KLF7: variants seen among roughly 807,000 people sequenced by gnomAD.
The protein encoded by KLF7 is Krueppel-like factor 7.
Under a neutral mutation model 27.3 loss-of-function variants are expected in KLF7, and 2 were observed. That is an observed-to-expected ratio of 0.07 (90% confidence interval 0.03 to 0.23). The LOEUF is 0.23. Among genes scored for constraint, KLF7 ranks in the 10% least tolerant of loss-of-function variants. The probability of loss-of-function intolerance (pLI) is 1.00; values close to 1 mark genes in which losing one functional copy is unlikely to be tolerated. For missense variants in KLF7, 221 were observed against 394.1 expected (o/e 0.56, Z 3.72); for synonymous variants, 165 against 162.4 (o/e 1.02, Z -0.12).
chr2:207,084,769 A>G (rs1327345391), intron 3 of KLF7, among the ~76,000 whole-genome samples: 2 of 152,230 alleles, frequency 1.3e-5, no homozygotes, highest in African/African-American at 2.4e-5. Flanking sequence ...TTATAACTTT[A>G]CAGCAGCCAG....
chr2:207,093,773 G>A (rs577365510), intron 2 of KLF7, among the ~76,000 whole-genome samples: 1 of 152,238 alleles, frequency 6.6e-6, no homozygotes, highest in South Asian at 2.1e-4. Context: ...AATACACCTA[G>A]AGGGGCAGAA....
At position 207,078,813 on chromosome 2, in the gene KLF7, A is replaced by G. The variant is rs2076218812; in HGVS notation, c.*2400T>C. ...GCACCACACATTCAAATATAATCCC[A>G]TGGTACGCCCTGATGGACTGGCCAC... On this transcript the variant is annotated 3_prime_UTR_variant, in exon 4 of 4. Transcript: ENST00000309446. The G allele has an allele frequency of 1.3e-5, 2 of 152,164 alleles. No homozygotes were observed. Among genetic ancestry groups the G allele is most frequent in the African/African-American group, 4.8e-5 (2 of 41,434 alleles). The allele number at this position is 152,164 out of a possible 1,614,324, so 9.4% of individuals were successfully genotyped here.
intron 1 of KLF7, among the ~76,000 whole-genome samples, chr2:207,157,921 C>T (rs571225135): frequency 5.3e-5 from 8 of 151,942 alleles, no homozygotes; most frequent in East Asian, 1.9e-4. Context: ...GGAAGCAGTC[C>T]GTGGAAGAAG....
intron 2 of KLF7, 100 bp from the exon 3 acceptor site, chr2:207,088,681 G>C: frequency 7.6e-7 from 1 of 1,308,186 alleles, no homozygotes; most frequent in South Asian, 1.7e-5. Context: ...GGAAAGGGCT[G>C]TTTAACTCAT....
In KLF7 at chr2:207,123,927, C is replaced by A; in HGVS notation, c.580G>T (p.Val194Phe). The A allele has an allele frequency of 6.2e-7, 1 of 1,614,074 alleles. No individual in the cohort carries two copies. Among genetic ancestry groups the A allele is most frequent in the Non-Finnish European group, 8.5e-7 (1 of 1,180,044 alleles). The change falls in exon 2 of 4, where the codon GTT (valine) becomes TTT (phenylalanine). Residue 194 changes from valine (V) to phenylalanine (F), a missense_variant. By Grantham distance (50) the Val-to-Phe change is conservative. Transcript: ENST00000309446. ...AAAAVTAAGA[V>F]KSGQSDSDQG... Reference sequence around the variant, plus strand: ...TCACTGTCGCTCTGTCCACTCTTAACGGCCCCCGCAGCCGTCACGGCTGCT... The same window carrying A: ...TCACTGTCGCTCTGTCCACTCTTAAAGGCCCCCGCAGCCGTCACGGCTGCT...
rs67380335 is a variant in KLF7 at position 207,152,272 on chromosome 2, T to TACACAC, written c.102+13189_102+13194dup. On this transcript the variant is annotated intron_variant, in intron 1 of 3. Coordinates refer to ENST00000309446, the MANE Select transcript of KLF7 (RefSeq NM_003709.4). ...CTAAGAACTGGTTACATGTTTTTCT[T>TACACAC]ACACACACACACACACACACACACA... Among the ~76,000 whole-genome samples, 194 of 150,576 alleles carry TACACAC rather than the reference T, an allele frequency of 1.3e-3. 1 individual carries two copies. The highest frequency in any genetic ancestry group is 3.7e-3 in the African/African-American group (149 of 40,686).
chr2:207,148,311 A>G (rs961248742), intron 1 of KLF7, among the ~76,000 whole-genome samples: 2 of 152,192 alleles, frequency 1.3e-5, no homozygotes, highest in African/African-American at 4.8e-5. Context: ...TCACTTACTC[A>G]TGGAAGTCTG....
In KLF7 at chr2:207,088,716, A is replaced by G. The variant is rs1256837480; in HGVS notation, c.734-135T>C. On this transcript the variant is annotated intron_variant, in intron 2 of 3. Coordinates refer to ENST00000309446, the MANE Select transcript of KLF7 (RefSeq NM_003709.4). Reference sequence around the variant, plus strand: ...TTCCTGAAAGACTAGATTTCCTAACATAGTATACCACTGTCTTTTGGGTTT... The same window carrying G: ...TTCCTGAAAGACTAGATTTCCTAACGTAGTATACCACTGTCTTTTGGGTTT... 8.7e-6 allele frequency: 8 copies of G among 922,178 alleles called. No homozygotes were observed. The Middle Eastern group carries it at 6.9e-4, about 79-fold the overall frequency. The allele number at this position is 922,178 out of a possible 1,614,324, so 57.1% of individuals were successfully genotyped here. A position where few individuals can be genotyped will look rare whatever the true frequency, so the allele number is the denominator to read the frequency against.
At chr2:207,145,321 TAAGA>T (rs1409860458) in intron 1 of KLF7, among the ~76,000 whole-genome samples, 1 of 152,190 alleles carries the variant, frequency 6.6e-6, no homozygotes, top group Non-Finnish European at 1.5e-5. Context: ...ACAAATACAC[TAAGA>T]AAGAAGTTGA....
At chr2:207,088,380 A>C in intron 3 of KLF7, 78 bp downstream of exon 3, 1 of 1,522,970 alleles carries the variant, frequency 6.6e-7, no homozygotes, top group Non-Finnish European at 8.9e-7. Flanking sequence ...GATAAGTCCA[A>C]GCACACGGGT....
intron 2 of KLF7, among the ~76,000 whole-genome samples, chr2:207,114,938 G>A (rs913240435): frequency 3.9e-5 from 6 of 152,062 alleles, no homozygotes. Context: ...TTATTTGCCT[G>A]AAAACAATAT....
upstream of KLF7, chr2:207,167,376 A>C: frequency 3.1e-6 from 1 of 327,656 alleles, no homozygotes; most frequent in Non-Finnish European, 5.6e-6. Context: ...TGATTGCAGA[A>C]TTCGGTGCTT....
upstream of KLF7, among the ~76,000 whole-genome samples, chr2:207,170,269 G>C (rs2078775975): frequency 6.6e-6 from 1 of 152,184 alleles, no homozygotes; most frequent in African/African-American, 2.4e-5. Context: ...ACCTAATCCA[G>C]AGCAAAACCC....
At chr2:207,146,553 C>T (rs899870601) in intron 1 of KLF7, among the ~76,000 whole-genome samples, 2 of 152,086 alleles carry the variant, frequency 1.3e-5, no homozygotes, top group East Asian at 3.9e-4. Flanking sequence ...CTCAGTCTTC[C>T]TTCTCCTTAG....
chr2:207,150,997 TAAAAAAA>T (rs34218929), intron 1 of KLF7, among the ~76,000 whole-genome samples: 4 of 90,342 alleles, frequency 4.4e-5, no homozygotes, highest in Non-Finnish European at 8.1e-5. Context: ...TTCTCTTTAT[TAAAAAAA>T]AAAAAAAAAA....
intron 2 of KLF7, among the ~76,000 whole-genome samples, chr2:207,095,102 G>A (rs1430079865): frequency 7.3e-5 from 10 of 137,684 alleles, no homozygotes; most frequent in African/African-American, 8.1e-5. Context: ...GTGCAGTGGC[G>A]CGATCTCGGC....
chr2:207,158,917 G>A (rs565012624), intron 1 of KLF7, among the ~76,000 whole-genome samples: 4 of 152,322 alleles, frequency 2.6e-5, no homozygotes, highest in African/African-American at 9.6e-5. Flanking sequence ...CTGGGCATCT[G>A]AGAGTCCTGG....
intron 1 of KLF7, among the ~76,000 whole-genome samples, chr2:207,151,817 C>T (rs977723176): frequency 2.0e-5 from 3 of 151,432 alleles, no homozygotes; most frequent in Admixed American, 6.6e-5. Context: ...AAAAAGTAAT[C>T]GGAGATTGGA....
chr2:207,080,939 TG>T lies in KLF7; in HGVS notation c.*273del. ...GCCAGTCTGCCTTGCTGAGTTCACC[TG>T]GTTTCCTTCTTCATCTTCTTCCATC... On this transcript the variant is annotated 3_prime_UTR_variant, in exon 4 of 4. Transcript: ENST00000309446. 1 of 437,986 alleles carries T rather than the reference TG, an allele frequency of 2.3e-6. No homozygotes were observed. The allele number at this position is 437,986 out of a possible 1,614,324, so 27.1% of individuals were successfully genotyped here.
Sources: allele counts gnomAD v4.1 joint callset (sites outside exome capture counted in the v4.1 genomes callset), GRCh38; gene constraint gnomAD v4.1.1; transcripts MANE v1.5; gene names NCBI Gene and HGNC (gene_info 2026-07-23, HGNC 2026-07-21).